Variants in HECW1 observed in about 807,000 individuals in gnomAD.
HECW1 encodes HECT, C2 and WW domain containing E3 ubiquitin protein ligase 1, also known as E3 ubiquitin-protein ligase HECW1.
HECW1 carries 61 observed loss-of-function variants against 182.3 expected under a neutral mutation model. The observed-to-expected ratio is 0.33, with a 90% CI of 0.27 to 0.41. The LOEUF is 0.41. HECW1 is among the 10% of genes least tolerant of loss of function. The pLI, the probability that HECW1 is intolerant of heterozygous loss-of-function variation, is 1.00. For missense variants in HECW1, 1,739 were observed against 2,108.9 expected, an observed-to-expected ratio of 0.82 and a Z score of 3.44; for synonymous variants, 859 against 832.6, an observed-to-expected ratio of 1.03 and a Z score of -0.55.
intron 2 of HECW1, among the ~76,000 whole-genome samples, chr7:43,177,437 T>C (rs1792373533): frequency 6.6e-6 from 1 of 152,226 alleles, no homozygotes; most frequent in Non-Finnish European, 1.5e-5. Context: ...CAGGGCAGTC[T>C]GGACTGAGTT....
intron 3 of HECW1, among the ~76,000 whole-genome samples, chr7:43,259,185 G>A (rs1800908455): frequency 6.6e-6 from 1 of 152,090 alleles, no homozygotes; most frequent in African/African-American, 2.4e-5. Flanking sequence ...TTAGGACTTC[G>A]AGACCAGCCT....
intron 3 of HECW1, among the ~76,000 whole-genome samples, chr7:43,257,179 A>C (rs1018561006): frequency 6.6e-6 from 1 of 152,218 alleles, no homozygotes; most frequent in Admixed American, 6.5e-5. Context: ...TGTATATGTT[A>C]ATTAATATTC....
At chr7:43,371,494 C>T (rs903258187) in intron 6 of HECW1, among the ~76,000 whole-genome samples, 2 of 151,682 alleles carry the variant, frequency 1.3e-5, no homozygotes, top group South Asian at 4.2e-4. Flanking sequence ...TTAAATGCTC[C>T]AATCAGAAAG....
chr7:43,196,717 C>G (rs181393955), intron 2 of HECW1, among the ~76,000 whole-genome samples: 1 of 152,268 alleles, frequency 6.6e-6, no homozygotes, highest in Non-Finnish European at 1.5e-5. Flanking sequence ...ACAATATGCC[C>G]AGCTACAAAG....
intron 6 of HECW1, among the ~76,000 whole-genome samples, chr7:43,376,278 C>T (rs1021609874): frequency 1.3e-5 from 2 of 151,874 alleles, no homozygotes; most frequent in African/African-American, 4.8e-5. Flanking sequence ...AAAATGTCAC[C>T]GTAATAATCT....
chr7:43,297,644 A>G (rs1355057993), intron 3 of HECW1, among the ~76,000 whole-genome samples: 13 of 152,204 alleles, frequency 8.5e-5, no homozygotes, highest in Non-Finnish European at 1.6e-4. Flanking sequence ...ATTTTGATGG[A>G]CACTCTAAGA....
chr7:43,227,977 AGTG>A (rs1227778038), intron 2 of HECW1, among the ~76,000 whole-genome samples: 2 of 152,254 alleles, frequency 1.3e-5, no homozygotes, highest in Admixed American at 1.3e-4. Context: ...TTTTCAAAAT[AGTG>A]CTATCACATG....
intron 24 of HECW1, among the ~76,000 whole-genome samples, chr7:43,540,241 C>T (rs539348780): frequency 1.3e-5 from 2 of 152,184 alleles, no homozygotes; most frequent in South Asian, 4.1e-4. Context: ...TTGGAAATTC[C>T]ACCAGGGAGG....
rs1045228985 is a variant in HECW1 at position 43,466,552 on chromosome 7, T to C, written c.2897T>C (p.Val966Ala). ...ATCACCAACCCCGAGTTCTTCACTG[T>C]GCTACATGCCAATTATGTGAGTGCC... Reference protein sequence around the residue: ...KFITNPEFFTVLHANYSAYRV... With the variant: ...KFITNPEFFTALHANYSAYRV... Residue 966 changes from valine (V) to alanine (A), a missense_variant, in exon 15 of 30, where the codon GTG becomes GCG. By Grantham distance (64) the Val-to-Ala change is moderately conservative. Around this residue, in one of 5 missense-constraint regions of HECW1, gnomAD observed 971 missense variants for 1,029.1 expected, o/e 0.94. Transcript: ENST00000395891. 3 of 1,613,688 alleles carry C rather than the reference T, an allele frequency of 1.9e-6. No individual in the cohort carries two copies. Among genetic ancestry groups the C allele is most frequent in the Non-Finnish European group, 1.7e-6 (2 of 1,179,946 alleles).
At chr7:43,123,739 C>T (rs1476520949) in intron 2 of HECW1, among the ~76,000 whole-genome samples, 1 of 152,032 alleles carries the variant, frequency 6.6e-6, no homozygotes, top group Non-Finnish European at 1.5e-5. Flanking sequence ...GGACATGAGC[C>T]CCAGCCCTCT....
chr7:43,186,793 T>C (rs987188979), intron 2 of HECW1, among the ~76,000 whole-genome samples: 1 of 152,160 alleles, frequency 6.6e-6, no homozygotes, highest in Non-Finnish European at 1.5e-5. Flanking sequence ...TTCAGAACAG[T>C]AACATGCTGT....
At chr7:43,223,563 G>T (rs150850149) in intron 2 of HECW1, among the ~76,000 whole-genome samples, 1 of 152,006 alleles carries the variant, frequency 6.6e-6, no homozygotes, top group African/African-American at 2.4e-5. Context: ...AAGTTGAAGC[G>T]AGCTGAGATT....
intron 5 of HECW1, among the ~76,000 whole-genome samples, chr7:43,325,670 T>A (rs1342582886): frequency 6.6e-6 from 1 of 152,006 alleles, no homozygotes; most frequent in Non-Finnish European, 1.5e-5. Flanking sequence ...TGTCCAGGCA[T>A]AAATGAGAAA....
intron 8 of HECW1, among the ~76,000 whole-genome samples, chr7:43,408,301 A>G (rs1394238356): frequency 6.6e-6 from 1 of 152,156 alleles, no homozygotes; most frequent in Non-Finnish European, 1.5e-5. Flanking sequence ...AGTATTGAAT[A>G]GTCTATGTTG....
At chr7:43,514,399 C>T (rs1239663996) in intron 24 of HECW1, among the ~76,000 whole-genome samples, 1 of 151,840 alleles carries the variant, frequency 6.6e-6, no homozygotes, top group Non-Finnish European at 1.5e-5. Flanking sequence ...AGCAAGTCTC[C>T]TGCCTCAGCC....
intron 2 of HECW1, among the ~76,000 whole-genome samples, chr7:43,176,307 A>G (rs749844903): frequency 5.3e-5 from 8 of 152,340 alleles, no homozygotes; most frequent in African/African-American, 1.2e-4. Context: ...AGGAGTATAC[A>G]ACAGAACTTC....
At position 43,565,272 on chromosome 7, in the gene HECW1, GAGACAT is replaced by G. The variant is rs2082302152; in HGVS notation, c.*3348_*3353del. On this transcript the variant is annotated 3_prime_UTR_variant, in exon 30 of 30. Coordinates refer to ENST00000395891, the MANE Select transcript of HECW1 (RefSeq NM_015052.5). ...AGAGTGGTGAAAAAATTAAGAAAAA[GAGACAT>G]ATGATTTGGGGGAGCAGGCGTTAAA... The G allele has an allele frequency of 4.8e-6, 1 of 206,232 alleles. No homozygotes were observed. Among genetic ancestry groups the G allele is most frequent in the Admixed American group, 5.9e-5 (1 of 16,830 alleles). The allele number at this position is 206,232 out of a possible 1,614,324, so 12.8% of individuals were successfully genotyped here.
chr7:43,161,748 C>G (rs1375598803), intron 2 of HECW1: 1 of 152,234 alleles, frequency 6.6e-6, no homozygotes, highest in African/African-American at 2.4e-5. Flanking sequence ...TCTGTTACTC[C>G]TGGCTAATTA....
chr7:43,146,442 C>A (rs1377798034), intron 2 of HECW1, among the ~76,000 whole-genome samples: 1 of 152,030 alleles, frequency 6.6e-6, no homozygotes, highest in Non-Finnish European at 1.5e-5. Context: ...AATGCCATCA[C>A]TGAAATATTT....
Sources: allele counts gnomAD v4.1 joint callset (sites outside exome capture counted in the v4.1 genomes callset), GRCh38; gene constraint gnomAD v4.1.1; regional missense constraint gnomAD v4.1.1; transcripts MANE v1.5; gene names NCBI Gene and HGNC (gene_info 2026-07-23, HGNC 2026-07-21).